RMST: variants seen among roughly 807,000 people sequenced by gnomAD.
RMST encodes the protein rhabdomyosarcoma 2 associated transcript.
At chr12:97,474,429 G>A (rs1186409896) in intron 5 of RMST, among the ~76,000 whole-genome samples, 1 of 151,968 alleles carries the variant, frequency 6.6e-6, no homozygotes, top group Non-Finnish European at 1.5e-5. Flanking sequence ...CCATTTGCAG[G>A]GGACACCTTT....
rs1204637358 is a variant in RMST, at chr12:97,529,029, A to G, written n.1341-1626A>G. On this transcript the variant is annotated intron_variant and non_coding_transcript_variant, in intron 10 of 13. Coordinates refer to ENST00000640149, the Ensembl canonical transcript of RMST. The stretch of plus-strand genomic sequence containing the variant: ...ATTTCTTACTATCAGCCCAAGACAC[A>G]AAGGATAAAGAGTATCTTACTCTCA... 2.6e-5 allele frequency among the ~76,000 whole-genome samples: 4 copies of G among 152,024 alleles called. No homozygotes were observed. In the East Asian group the frequency reaches 7.7e-4, roughly 29 times the overall value.
intron 11 of RMST, among the ~76,000 whole-genome samples, chr12:97,553,548 T>C (rs1179075135): frequency 2.0e-5 from 3 of 152,124 alleles, no homozygotes; most frequent in African/African-American, 7.2e-5. Context: ...TGGTTGCAGG[T>C]TGTGGGCTTT....
At chr12:97,558,317 C>A (rs371158284) in intron 11 of RMST, among the ~76,000 whole-genome samples, 1 of 152,272 alleles carries the variant, frequency 6.6e-6, no homozygotes, top group African/African-American at 2.4e-5. Context: ...GCTTATTTAT[C>A]ATCACATACT....
At chr12:97,509,667 G>A (rs1429022080) in intron 10 of RMST, among the ~76,000 whole-genome samples, 1 of 152,086 alleles carries the variant, frequency 6.6e-6, no homozygotes, top group African/African-American at 2.4e-5. Flanking sequence ...ATATTCTGGA[G>A]ACAAATACGA....
intron 5 of RMST, among the ~76,000 whole-genome samples, chr12:97,488,283 C>G (rs187627588): frequency 1.4e-4 from 21 of 152,262 alleles, no homozygotes; most frequent in African/African-American, 4.3e-4. Flanking sequence ...AAGGCTGAGG[C>G]AGAAGAATTG....
chr12:97,491,158 A>G (rs1378441758), intron 5 of RMST, among the ~76,000 whole-genome samples: 1 of 152,180 alleles, frequency 6.6e-6, no homozygotes, highest in African/African-American at 2.4e-5. Flanking sequence ...GAGCATTCAC[A>G]GGGGTAAGAC....
chr12:97,543,623 G>A (rs898225244), intron 11 of RMST, among the ~76,000 whole-genome samples: 1 of 151,910 alleles, frequency 6.6e-6, no homozygotes, highest in East Asian at 1.9e-4. Flanking sequence ...TAATGCTCCT[G>A]CTGCTGTCTA....
chr12:97,537,163 T>C (rs539538610), intron 11 of RMST, among the ~76,000 whole-genome samples: 1 of 151,558 alleles, frequency 6.6e-6, no homozygotes, highest in East Asian at 1.9e-4. Context: ...AAATGACACA[T>C]ACTGAGAGAA....
At chr12:97,564,058 G>A (rs1041211424) in intron 13 of RMST, 1 of 340,152 alleles carries the variant, frequency 2.9e-6, no homozygotes, top group African/African-American at 2.1e-5. Context: ...GAGAAATCTA[G>A]GTGGATTCAT....
chr12:97,514,305 G>A (rs1384055495), intron 10 of RMST, among the ~76,000 whole-genome samples: 5 of 152,112 alleles, frequency 3.3e-5, no homozygotes, highest in Non-Finnish European at 7.4e-5. Context: ...CTAGAATTTT[G>A]CAACTCTATA....
intron 11 of RMST, among the ~76,000 whole-genome samples, chr12:97,553,594 G>A (rs1348269199): frequency 2.6e-5 from 4 of 152,178 alleles, no homozygotes; most frequent in Non-Finnish European, 5.9e-5. Context: ...CAGTCTAAAT[G>A]AGCAGTGAAC....
chr12:97,556,879 T>C (rs1883742006), intron 11 of RMST, among the ~76,000 whole-genome samples: 1 of 152,170 alleles, frequency 6.6e-6, no homozygotes, highest in Non-Finnish European at 1.5e-5. Context: ...ATTTAGAAAA[T>C]AGACTTGGGA....
At chr12:97,508,981 A>G (rs1878995303) in intron 10 of RMST, among the ~76,000 whole-genome samples, 1 of 152,206 alleles carries the variant, frequency 6.6e-6, no homozygotes, top group South Asian at 2.1e-4. Context: ...TTTTTACCAG[A>G]TTCATCATTG....
At chr12:97,547,255 C>T (rs941823999) in intron 11 of RMST, among the ~76,000 whole-genome samples, 5 of 151,174 alleles carry the variant, frequency 3.3e-5, no homozygotes, top group African/African-American at 9.7e-5. Flanking sequence ...ACTATGTATG[C>T]GTATCACATT....
chr12:97,473,231 A>T (rs555152025), intron 5 of RMST, among the ~76,000 whole-genome samples: 10 of 152,280 alleles, frequency 6.6e-5, no homozygotes, highest in African/African-American at 2.4e-4. Flanking sequence ...AGAATTTTCA[A>T]CTGATTTCAT....
At chr12:97,491,758 T>C (rs917372545) in intron 5 of RMST, 3 of 305,892 alleles carry the variant, frequency 9.8e-6, no homozygotes, top group African/African-American at 6.4e-5. Context: ...TTGAATTACA[T>C]TATAAATGAC....
intron 11 of RMST, among the ~76,000 whole-genome samples, chr12:97,554,076 TC>T (rs1326917636): frequency 6.7e-6 from 1 of 149,840 alleles, no homozygotes; most frequent in Non-Finnish European, 1.5e-5. Flanking sequence ...TGCCTCAGCC[TC>T]CCGATTAGCT....
chr12:97,480,885 C>T (rs1875195283), intron 5 of RMST, among the ~76,000 whole-genome samples: 1 of 152,168 alleles, frequency 6.6e-6, no homozygotes, highest in African/African-American at 2.4e-5. Context: ...CCTTATGTGT[C>T]CTGTCCCCAC....
At chr12:97,499,657 C>CTTTTT (rs540776298) in intron 10 of RMST, among the ~76,000 whole-genome samples, 29 of 131,908 alleles carry the variant, frequency 2.2e-4, no homozygotes, top group African/African-American at 7.7e-4. Context: ...TTTTTTCTTT[C>CTTTTT]TTTTTTTTTT....
Sources: gnomAD v4.1 joint callset for allele counts (sites outside exome capture counted in the v4.1 genomes callset) on GRCh38, gnomAD v4.1.1 for gene constraint, MANE v1.5 for transcripts, NCBI Gene and HGNC (gene_info 2026-07-23, HGNC 2026-07-21) for gene names.